SGK3: variants seen among roughly 807,000 people sequenced by gnomAD.
The protein encoded by SGK3 is serum/glucocorticoid regulated kinase family member 3.
In SGK3, 47 loss-of-function variants were observed where a neutral mutation model predicts 68.5. The ratio of observed to expected loss-of-function variants is 0.69; its 90% CI spans 0.54 to 0.87. The LOEUF (loss-of-function observed/expected upper bound fraction) is 0.87. Ranked by LOEUF, SGK3 falls within the 40% of genes least tolerant of loss-of-function variation. SGK3 has a pLI of 0.00. For missense variants in SGK3, 479 were observed against 575.5 expected (o/e 0.83, Z 1.72); for synonymous variants, 181 against 189.1 (o/e 0.96, Z 0.35).
At chr8:66,837,259 A>G (rs1809574215) in intron 10 of SGK3, among the ~76,000 whole-genome samples, 1 of 152,184 alleles carries the variant, frequency 6.6e-6, no homozygotes. Flanking sequence ...GTGAATGTCT[A>G]AAAAATTTTT....
chr8:66,851,353 A>C (rs1435516112), intron 16 of SGK3, among the ~76,000 whole-genome samples: 1 of 151,974 alleles, frequency 6.6e-6, no homozygotes, highest in Non-Finnish European at 1.5e-5. Flanking sequence ...GTCTCTACTA[A>C]AAATACAAAA....
chr8:66,810,669 C>T (rs935335636), intron 4 of SGK3, among the ~76,000 whole-genome samples: 1 of 152,108 alleles, frequency 6.6e-6, no homozygotes, highest in Non-Finnish European at 1.5e-5. Flanking sequence ...CCATTGCACT[C>T]CAGCCTAGGC....
At chr8:66,742,921 G>A (rs939188258) in intron 1 of SGK3, among the ~76,000 whole-genome samples, 15 of 152,184 alleles carry the variant, frequency 9.9e-5, no homozygotes, top group East Asian at 1.9e-4. Flanking sequence ...TCTCTGCTAT[G>A]CCTTTAGCGC....
intron 1 of SGK3, among the ~76,000 whole-genome samples, chr8:66,748,335 T>C (rs982721721): frequency 1.3e-5 from 2 of 152,222 alleles, no homozygotes; most frequent in South Asian, 4.1e-4. Flanking sequence ...AATTGATCCC[T>C]GACTGTGCTG....
At chr8:66,835,701 T>C in intron 8 of SGK3, 62 bp from the exon 9 acceptor site, 1 of 1,529,112 alleles carries the variant, frequency 6.5e-7, no homozygotes, top group Non-Finnish European at 8.9e-7. Flanking sequence ...TGTTGACAAG[T>C]GAATTATTTC....
intron 1 of SGK3, among the ~76,000 whole-genome samples, chr8:66,781,477 T>A (rs1257202160): frequency 6.6e-6 from 1 of 151,996 alleles, no homozygotes; most frequent in East Asian, 1.9e-4. Flanking sequence ...GCCTCCCGAG[T>A]AGTTGAGATT....
intron 14 of SGK3, among the ~76,000 whole-genome samples, chr8:66,845,567 TCAGG>T (rs1809974769): frequency 6.6e-6 from 1 of 152,114 alleles, no homozygotes; most frequent in Admixed American, 6.6e-5. Flanking sequence ...ACTGTGTTGC[TCAGG>T]CTGGAGTGTA....
In SGK3 at chr8:66,859,706, T is replaced by A. The variant is rs1001589455; in HGVS notation, c.*125T>A. 1.8e-6 allele frequency: 2 copies of A among 1,135,012 alleles called. No homozygotes were observed. Among genetic ancestry groups the A allele is most frequent in the African/African-American group, 1.6e-5 (1 of 63,850 alleles). 70.3% of individuals were successfully genotyped at this position (1,135,012 alleles called of 1,614,324 possible). ...CATTTTTATATGTAATGATGAAAACTATGAAAAAATGTATTTTCTTCTATG... is the reference window on the plus strand; with the variant it reads ...CATTTTTATATGTAATGATGAAAACAATGAAAAAATGTATTTTCTTCTATG... On this transcript the variant is annotated 3_prime_UTR_variant, in exon 17 of 17. Transcript: ENST00000521198.
rs74936114 is a variant in SGK3 at position 66,807,788 on chromosome 8, G to A, written c.253+3341G>A. ...CAAGAAATCACATTTCTAGGAATCT[G>A]TCCCTAAAATAAGCTGCATATGATA... is the stretch of plus-strand genomic sequence containing the variant. On this transcript the variant is annotated intron_variant, in intron 4 of 16. Transcript: ENST00000521198. Among the ~76,000 whole-genome samples the A allele has an allele frequency of 7.5e-3, 1,145 of 152,266 alleles. 11 individuals are homozygous for A. Among genetic ancestry groups the A allele is most frequent in the African/African-American group, 0.027 (1,102 of 41,548 alleles).
At chr8:66,825,490 G>A (rs1415535972) in intron 6 of SGK3, among the ~76,000 whole-genome samples, 5 of 151,816 alleles carry the variant, frequency 3.3e-5, no homozygotes, top group South Asian at 2.1e-4. Context: ...TACCATGCCC[G>A]GCTAATTTTT....
At chr8:66,814,022 GT>G in intron 5 of SGK3, 94 bp downstream of exon 5, 5 of 1,012,794 alleles carry the variant, frequency 4.9e-6, no homozygotes, top group South Asian at 5.2e-5. Flanking sequence ...TCTATGAAAT[GT>G]TACTGTGCTA....
chr8:66,840,021 A>G lies in SGK3; in HGVS notation c.760A>G (p.Arg254Gly). Residue 254 changes from arginine (R) to glycine (G), a missense_variant, in exon 11 of 17, where the codon AGA becomes GGA. Transcript: ENST00000521198. ...TTGACAGCTTTTTTTCCACTTACAAAGAGAACGGTCCTTTCCTGAGCACAG... is the reference window on the plus strand; with the variant it reads ...TTGACAGCTTTTTTTCCACTTACAAGGAGAACGGTCCTTTCCTGAGCACAG... ...NGGELFFHLQ[R>G]ERSFPEHRAR... 1.2e-6 allele frequency: 2 copies of G among 1,613,550 alleles called. No homozygotes were observed. The highest frequency in any genetic ancestry group is 2.2e-5 in the South Asian group (2 of 90,928).
chr8:66,844,316 G>A (rs1809921404), intron 14 of SGK3, among the ~76,000 whole-genome samples: 1 of 152,080 alleles, frequency 6.6e-6, no homozygotes, highest in Admixed American at 6.5e-5. Context: ...CTTTTCCCAT[G>A]ATTGGAGATC....
intron 1 of SGK3, among the ~76,000 whole-genome samples, chr8:66,789,123 GAA>G (rs35284393): frequency 3.6e-4 from 46 of 126,614 alleles, no homozygotes; most frequent in African/African-American, 1.2e-3. Flanking sequence ...ATTTTATTCA[GAA>G]AAAAAAAAAA....
chr8:66,743,076 C>T (rs1485215580), intron 1 of SGK3, among the ~76,000 whole-genome samples: 1 of 152,118 alleles, frequency 6.6e-6, no homozygotes, highest in Non-Finnish European at 1.5e-5. Flanking sequence ...ATTCTCTACT[C>T]CAGAAGTGTT....
At chr8:66,767,823 T>C in intron 1 of SGK3, 1 of 1,512,740 alleles carries the variant, frequency 6.6e-7, no homozygotes, top group Admixed American at 1.7e-5. Flanking sequence ...CCAAAGCCTT[T>C]CTGGTAGCTT....
intron 5 of SGK3, among the ~76,000 whole-genome samples, chr8:66,817,788 T>A (rs1331487270): frequency 6.6e-6 from 1 of 152,176 alleles, no homozygotes; most frequent in African/African-American, 2.4e-5. Context: ...AATGACATTA[T>A]CACAAAGTAA....
At chr8:66,768,306 C>A (rs1282091670) in intron 1 of SGK3, among the ~76,000 whole-genome samples, 1 of 151,828 alleles carries the variant, frequency 6.6e-6, no homozygotes, top group Non-Finnish European at 1.5e-5. Context: ...TTCAAGTGCT[C>A]TTCATTTCTT....
intron 1 of SGK3, among the ~76,000 whole-genome samples, chr8:66,729,863 G>A (rs1805097264): frequency 6.6e-6 from 1 of 151,982 alleles, no homozygotes; most frequent in African/African-American, 2.4e-5. Flanking sequence ...TTCTGCCTCG[G>A]CCTTCTGAGT....
Sources: allele counts gnomAD v4.1 joint callset (sites outside exome capture counted in the v4.1 genomes callset), GRCh38; gene constraint gnomAD v4.1.1; transcripts MANE v1.5; gene names NCBI Gene and HGNC (gene_info 2026-07-23, HGNC 2026-07-21).